The following MYCBP2 variants were observed in gnomAD, a reference collection of about 807,000 sequenced individuals.
MYCBP2 encodes the protein MYC binding protein 2.
A neutral mutation model predicts 525.3 loss-of-function variants in MYCBP2; 120 were observed. That is an observed-to-expected ratio of 0.23 (90% CI 0.20 to 0.27). The LOEUF (loss-of-function observed/expected upper bound fraction) is 0.27. Ranked by LOEUF, MYCBP2 falls within the 10% of genes least tolerant of loss-of-function variation. The probability of loss-of-function intolerance (pLI) is 1.00; values close to 1 mark genes in which losing one functional copy is unlikely to be tolerated. For missense variants in MYCBP2, 4,149 were observed against 5,657.1 expected, an observed-to-expected ratio of 0.73 and a Z score of 8.55; for synonymous variants, 1,894 against 1,955.8, an observed-to-expected ratio of 0.97 and a Z score of 0.83.
rs2063224455 is a variant in MYCBP2, at chr13:77,205,525, T to C, written c.3663A>G (p.Ala1221=). The change falls in exon 25 of 83, where the codon GCA becomes GCG. Residue 1221 remains alanine, a synonymous_variant. Transcript: ENST00000544440. ...GVASTEEETQ[A]VMKVYSKEDY... Reference sequence around the variant, plus strand: ...CTTCTTTAGAATAAACCTTCATTACTGCTTGAGTCTCTTCCTCTGTACTTG... The same window carrying C: ...CTTCTTTAGAATAAACCTTCATTACCGCTTGAGTCTCTTCCTCTGTACTTG... The C allele has an allele frequency of 6.2e-7, 1 of 1,613,788 alleles. No homozygotes were observed. The highest frequency in any genetic ancestry group is 8.5e-7 in the Non-Finnish European group (1 of 1,179,846).
At position 77,051,884 on chromosome 13, in the gene MYCBP2, T is replaced by C. The variant is rs142974804; in HGVS notation, c.13682A>G (p.Glu4561Gly). Reference sequence around the variant, plus strand: ...ATCATAATCATCTCCCCGTCCAGCCTCAGCATCGCAGCGAGCTTCACCACC... The same window carrying C: ...ATCATAATCATCTCCCCGTCCAGCCCCAGCATCGCAGCGAGCTTCACCACC... ...YFGGEARCDA[E>G]AGRGDDYDPR... Residue 4561 changes from glutamate to glycine, a missense_variant, in exon 81 of 83, where the codon GAG (glutamate) becomes GGG (glycine). Coordinates refer to ENST00000544440, the MANE Select transcript of MYCBP2 (RefSeq NM_015057.5). The C allele has an allele frequency of 1.2e-5, 19 of 1,614,152 alleles. No individual in the cohort carries two copies. The highest frequency in any genetic ancestry group is 1.5e-5 in the Non-Finnish European group (18 of 1,180,024).
intron 28 of MYCBP2, 32 bp downstream of exon 28, chr13:77,191,647 A>G (rs1207525133): frequency 6.2e-7 from 1 of 1,601,208 alleles, no homozygotes; most frequent in African/African-American, 1.3e-5. Context: ...AAAAATAAGT[A>G]TTGCTTAAGT....
At chr13:77,277,974 T>A (rs909295869) in intron 4 of MYCBP2, among the ~76,000 whole-genome samples, 4 of 152,244 alleles carry the variant, frequency 2.6e-5, no homozygotes, top group Admixed American at 2.6e-4. Flanking sequence ...CTATCTTATT[T>A]AAAGGATTAC....
In MYCBP2 at chr13:77,125,476, A is replaced by G. The variant is rs757696194; in HGVS notation, c.7885-8T>C. ...CCCTTCAGAATTGGTTACCTGGTACATAACAAAAAGCATGATTGATTGGCT... is the reference window on the plus strand; with the variant it reads ...CCCTTCAGAATTGGTTACCTGGTACGTAACAAAAAGCATGATTGATTGGCT... On this transcript the variant is annotated splice_region_variant and splice_polypyrimidine_tract_variant and intron_variant, in intron 53 of 82. Coordinates refer to ENST00000544440, the MANE Select transcript of MYCBP2 (RefSeq NM_015057.5). The G allele has an allele frequency of 5.6e-6, 9 of 1,612,108 alleles. No individual in the cohort carries two copies. Among genetic ancestry groups the G allele is most frequent in the Non-Finnish European group, 7.6e-6 (9 of 1,179,178 alleles).
chr13:77,179,736 G>A (rs1377999789), intron 34 of MYCBP2, among the ~76,000 whole-genome samples: 1 of 152,200 alleles, frequency 6.6e-6, no homozygotes, highest in Non-Finnish European at 1.5e-5. Flanking sequence ...GGGCAGAGCT[G>A]AAGTCTAAAC....
In MYCBP2 at chr13:77,171,380, C is replaced by A. The variant is rs2154226335; in HGVS notation, c.5794+112G>T. ...AATCCATGGGTGGATCTATAAATAA[C>A]ACTTAGATTCTATAAAATTGTATAA... On this transcript the variant is annotated intron_variant, in intron 38 of 82. Transcript: ENST00000544440. 2 of 1,071,666 alleles carry A rather than the reference C, an allele frequency of 1.9e-6. 1 individual carries two copies. The allele number at this position is 1,071,666 out of a possible 1,614,324, so 66.4% of individuals were successfully genotyped here.
At chr13:77,076,599 T>C (rs1330434740) in intron 68 of MYCBP2, 152 bp downstream of exon 68, 4 of 546,286 alleles carry the variant, frequency 7.3e-6, no homozygotes, top group Non-Finnish European at 1.3e-5. Context: ...ATGAATTTCT[T>C]TTAGATAGTT....
chr13:77,311,641 C>T (rs1475266777), intron 1 of MYCBP2, among the ~76,000 whole-genome samples: 5 of 139,660 alleles, frequency 3.6e-5, no homozygotes, highest in Non-Finnish European at 3.1e-5. Flanking sequence ...ATAAAAAGTT[C>T]ACTGGTTGGA....
chr13:77,274,065 T>C (rs759440422), intron 4 of MYCBP2, among the ~76,000 whole-genome samples: 1 of 152,166 alleles, frequency 6.6e-6, no homozygotes, highest in Non-Finnish European at 1.5e-5. Context: ...TTCAAAGTAA[T>C]AGAAACATAA....
chr13:77,187,690 A>C (rs1172560424), intron 30 of MYCBP2, among the ~76,000 whole-genome samples: 2 of 152,224 alleles, frequency 1.3e-5, no homozygotes, highest in Non-Finnish European at 2.9e-5. Flanking sequence ...GTAAGAAACA[A>C]GCAAGCATGT....
Position 77,274,412 on chromosome 13 carries a change from T to C in MYCBP2, c.749-744A>G, listed in dbSNP as rs538218674. On this transcript the variant is annotated intron_variant, in intron 4 of 82. Transcript: ENST00000544440. ...TAGAACGGAGACTTGAAAATCCTTA[T>C]AGAGTGAATAATCAGATGGAGAGGG... Among the ~76,000 whole-genome samples the C allele has an allele frequency of 4.0e-5, 6 of 151,796 alleles. No individual in the cohort carries two copies. In the South Asian group the frequency reaches 8.3e-4, roughly 21 times the overall value.
At chr13:77,125,978 T>C (rs939394984) in intron 53 of MYCBP2, among the ~76,000 whole-genome samples, 1 of 152,182 alleles carries the variant, frequency 6.6e-6, no homozygotes, top group Non-Finnish European at 1.5e-5. Context: ...TGAAACCTTT[T>C]GCATATGACC....
At chr13:77,089,645 CTGTT>C (rs2045029858) in intron 60 of MYCBP2, among the ~76,000 whole-genome samples, 1 of 145,280 alleles carries the variant, frequency 6.9e-6, no homozygotes, top group South Asian at 2.2e-4. Flanking sequence ...GATCATGTAA[CTGTT>C]TTTTTTTTTT....
chr13:77,150,794 A>T lies in MYCBP2; in HGVS notation c.7071T>A (p.Asp2357Glu). 1 of 1,614,162 alleles carries T rather than the reference A, an allele frequency of 6.2e-7. No individual in the cohort carries two copies. The highest frequency in any genetic ancestry group is 8.5e-7 in the Non-Finnish European group (1 of 1,180,006). The change falls in exon 47 of 83, where the codon GAT becomes GAA. Residue 2357 changes from aspartate to glutamate, a missense_variant. Around this residue, in one of 21 missense-constraint regions of MYCBP2, gnomAD observed 692 missense variants for 852.7 expected, o/e 0.81. Transcript: ENST00000544440. ...TYGGLASPKL[D>E]VSYEPMIVKE... ...TCACTATCATTGGTTCATATGAAAC[A>T]TCTAGCTTTGGTGATGCCAGCCCTC...
rs146763428 is a variant in MYCBP2 at position 77,098,470 on chromosome 13, C to A, written c.8684G>T (p.Arg2895Leu). The change falls in exon 56 of 83, where the codon CGG becomes CTG. Residue 2895 changes from arginine (R) to leucine (L), a missense_variant. By Grantham distance (102) the Arg-to-Leu change is moderately radical (BLOSUM62 -2). Transcript: ENST00000544440. ...KMPLTEPLRGRSTSPKPKSVP... is the reference protein window; with the variant it reads ...KMPLTEPLRGLSTSPKPKSVP... The stretch of plus-strand genomic sequence containing the variant: ...TGATTTTGGTTTTGGTGACGTTGAC[C>A]GTCCTCTCAAAGGTTCTGTGAGGGG... The A allele has an allele frequency of 7.4e-6, 12 of 1,613,518 alleles. No homozygotes were observed. Among genetic ancestry groups the A allele is most frequent in the Non-Finnish European group, 1.0e-5 (12 of 1,179,802 alleles).
At chr13:77,094,308 T>TGTGAAA (rs1376644463) in intron 58 of MYCBP2, among the ~76,000 whole-genome samples, 1 of 152,192 alleles carries the variant, frequency 6.6e-6, no homozygotes, top group Non-Finnish European at 1.5e-5. Context: ...GTGCATGATG[T>TGTGAAA]GTGAAAGTAC....
At position 77,093,265 on chromosome 13, in the gene MYCBP2, G is replaced by A. The variant is rs758915576; in HGVS notation, c.10267C>T (p.Arg3423Cys). 10 of 1,613,246 alleles carry A rather than the reference G, an allele frequency of 6.2e-6. No homozygotes were observed. The highest frequency in any genetic ancestry group is 2.2e-5 in the East Asian group (1 of 44,842). The change falls in exon 59 of 83, where the codon CGT (arginine) becomes TGT (cysteine). Residue 3423 changes from arginine (R) to cysteine (C), a missense_variant. By Grantham distance (180) the Arg-to-Cys change is radical (BLOSUM62 -3). This residue lies in a region of MYCBP2 where 509 missense variants were observed against 789.4 expected (regional missense o/e 0.64). Coordinates refer to ENST00000544440, the MANE Select transcript of MYCBP2 (RefSeq NM_015057.5). ...TACGGGGCAGGTACAGATGTTGAAC[G>A]TAGATATCTCATTTCATCCTGGAAT... is the stretch of plus-strand genomic sequence containing the variant. ...NLFQDEMRYL[R>C]STSVPAPYIS...
chr13:77,199,260 T>G (rs1323134101), intron 26 of MYCBP2, among the ~76,000 whole-genome samples: 1 of 152,216 alleles, frequency 6.6e-6, no homozygotes, highest in African/African-American at 2.4e-5. Context: ...TTCCCTTTCC[T>G]AGTCAAAGAA....
In MYCBP2 at chr13:77,259,135, C is replaced by T. The variant is rs190347780; in HGVS notation, c.2017+1293G>A. 7.2e-5 allele frequency among the ~76,000 whole-genome samples: 11 copies of T among 152,150 alleles called. No homozygotes were observed. The East Asian group carries it at 1.7e-3, about 24-fold the overall frequency. ...AAAAAATTAGCTGGGTGTTGTGGCACGTGCCTATAATCTCAGCTACTTGGG... is the reference window on the plus strand; with the variant it reads ...AAAAAATTAGCTGGGTGTTGTGGCATGTGCCTATAATCTCAGCTACTTGGG... On this transcript the variant is annotated intron_variant, in intron 13 of 82. Coordinates refer to ENST00000544440, the MANE Select transcript of MYCBP2 (RefSeq NM_015057.5).
Sources: gnomAD v4.1 joint callset for allele counts (sites outside exome capture counted in the v4.1 genomes callset) on GRCh38, gnomAD v4.1.1 for gene constraint, gnomAD v4.1.1 regional missense constraint, MANE v1.5 for transcripts, NCBI Gene and HGNC (gene_info 2026-07-23, HGNC 2026-07-21) for gene names.